The following CLDN16 variants were observed in gnomAD, a reference collection of about 807,000 sequenced individuals.
The protein encoded by CLDN16 is claudin 16.
In CLDN16, 13 loss-of-function variants were observed where a neutral mutation model predicts 24.6. The ratio of observed to expected loss-of-function variants is 0.53; its 90% CI spans 0.34 to 0.84. The LOEUF is 0.84. Ranked by LOEUF, CLDN16 falls within the 40% of genes least tolerant of loss-of-function variation. The pLI is 0.01. For synonymous variants in CLDN16, 116 were observed against 106.7 expected (o/e 1.09, Z -0.54); for missense variants, 298 against 292.7 (o/e 1.02, Z -0.13).
intron 1 of CLDN16, among the ~76,000 whole-genome samples, chr3:190,326,885 G>C (rs1372108006): frequency 6.6e-6 from 1 of 152,174 alleles, no homozygotes; most frequent in East Asian, 1.9e-4. Flanking sequence ...ATTTGGGGAA[G>C]ATCCTTTTTA....
At chr3:190,359,702 A>C (rs1470078172) in intron 1 of CLDN16, among the ~76,000 whole-genome samples, 1 of 152,026 alleles carries the variant, frequency 6.6e-6, no homozygotes, top group East Asian at 1.9e-4. Context: ...TCAAAGTAGC[A>C]TGGGAGCACT....
intron 3 of CLDN16, 80 bp from the exon 4 acceptor site, chr3:190,408,234 T>G: frequency 7.3e-7 from 1 of 1,370,044 alleles, no homozygotes; most frequent in Non-Finnish European, 1.0e-6. Context: ...CGCCAGCCAT[T>G]TTGTGTAGTA....
chr3:190,334,248 T>C (rs1349734814), intron 1 of CLDN16, among the ~76,000 whole-genome samples: 1 of 152,160 alleles, frequency 6.6e-6, no homozygotes, highest in East Asian at 1.9e-4. Flanking sequence ...GAAGTTGTAG[T>C]GGGCTAGCAG....
intron 1 of CLDN16, among the ~76,000 whole-genome samples, chr3:190,394,616 T>C (rs1718768322): frequency 1.3e-5 from 2 of 152,190 alleles, no homozygotes; most frequent in South Asian, 4.1e-4. Flanking sequence ...CATGATTTCC[T>C]AAGTACCTAG....
At chr3:190,302,463 T>C in the CLDN16 span, among the ~76,000 whole-genome samples, 1 of 152,154 alleles carries the variant, frequency 6.6e-6, no homozygotes, top group African/African-American at 2.4e-5. Flanking sequence ...ATACTGCGAA[T>C]GTTAGATTCT....
chr3:190,333,868 A>G (rs1414071249), intron 1 of CLDN16, among the ~76,000 whole-genome samples: 3 of 152,120 alleles, frequency 2.0e-5, no homozygotes, highest in Non-Finnish European at 4.4e-5. Context: ...ACATACTTCA[A>G]TGGGGTGAGG....
At chr3:190,329,128 G>T (rs1009248861) in intron 1 of CLDN16, among the ~76,000 whole-genome samples, 10 of 152,216 alleles carry the variant, frequency 6.6e-5, no homozygotes, top group African/African-American at 1.9e-4. Flanking sequence ...TATTTTTTGG[G>T]GGGGAGGCAG....
intron 1 of CLDN16, 152 bp from the exon 2 acceptor site, chr3:190,402,185 A>G: frequency 1.4e-6 from 1 of 696,772 alleles, no homozygotes; most frequent in Middle Eastern, 3.7e-4. Context: ...AAAATATTCT[A>G]ATACGCATTG....
At chr3:190,402,516 C>A in intron 2 of CLDN16, 77 bp downstream of exon 2, 1 of 1,125,858 alleles carries the variant, frequency 8.9e-7, no homozygotes, top group Non-Finnish European at 1.4e-6. Context: ...CCATTTTGTG[C>A]TTTGTTTTCT....
chr3:190,349,626 G>A (rs542346810), intron 1 of CLDN16, among the ~76,000 whole-genome samples: 183 of 152,198 alleles, frequency 1.2e-3, no homozygotes, highest in Middle Eastern at 3.4e-3. Context: ...TTTCCCAACC[G>A]TTGACTTGCA....
At chr3:190,409,486 T>C (rs537227697) in intron 4 of CLDN16, among the ~76,000 whole-genome samples, 5 of 152,148 alleles carry the variant, frequency 3.3e-5, no homozygotes, top group African/African-American at 1.2e-4. Context: ...TTTCTATATA[T>C]ATATATTTTG....
upstream of CLDN16, among the ~76,000 whole-genome samples, chr3:190,320,727 A>T (rs530800223): frequency 1.3e-5 from 2 of 152,334 alleles, 1 homozygote; most frequent in Admixed American, 1.3e-4. Context: ...AGTAAACTTG[A>T]ACAATGCCAA....
chr3:190,353,621 C>G (rs921693650), intron 1 of CLDN16, among the ~76,000 whole-genome samples: 1 of 152,036 alleles, frequency 6.6e-6, no homozygotes, highest in East Asian at 1.9e-4. Context: ...ACAATATACA[C>G]TTAAGAGTCG....
chr3:190,331,884 T>C (rs975583856), intron 1 of CLDN16, among the ~76,000 whole-genome samples: 2 of 152,216 alleles, frequency 1.3e-5, no homozygotes, highest in African/African-American at 2.4e-5. Context: ...CTCCATTCCT[T>C]GTCCTGGTAC....
At chr3:190,292,471 G>C in the CLDN16 span, among the ~76,000 whole-genome samples, 1 of 152,190 alleles carries the variant, frequency 6.6e-6, no homozygotes, top group Non-Finnish European at 1.5e-5. Context: ...ATGATGGAAA[G>C]GGCTGCCTCA....
chr3:190,292,113 C>T, the CLDN16 span, among the ~76,000 whole-genome samples: 1 of 152,194 alleles, frequency 6.6e-6, no homozygotes, highest in African/African-American at 2.4e-5. Context: ...GGGCCTCCAA[C>T]CCCACATTTA....
chr3:190,405,013 A>C, intron 3 of CLDN16, 87 bp downstream of exon 3: 1 of 1,342,698 alleles, frequency 7.4e-7, no homozygotes, highest in Non-Finnish European at 1.1e-6. Flanking sequence ...GAAGCTGCTC[A>C]TTTTCGGATT....
chr3:190,383,388 C>T (rs1577418673), upstream of CLDN16, among the ~76,000 whole-genome samples: 1 of 152,084 alleles, frequency 6.6e-6, no homozygotes, highest in South Asian at 2.1e-4. Context: ...TAGAGAAACA[C>T]GGTAAACCTG....
chr3:190,358,666 T>TA (rs554584028), intron 1 of CLDN16, among the ~76,000 whole-genome samples: 33 of 151,510 alleles, frequency 2.2e-4, no homozygotes, highest in African/African-American at 5.8e-4. Flanking sequence ...CCTGCAAAAT[T>TA]AAAAAAAACA....
Sources: allele counts gnomAD v4.1 joint callset (sites outside exome capture counted in the v4.1 genomes callset), GRCh38; gene constraint gnomAD v4.1.1; transcripts MANE v1.5; gene names NCBI Gene and HGNC (gene_info 2026-07-23, HGNC 2026-07-21).